The following HP1BP3 variants were observed in gnomAD, a reference collection of about 807,000 sequenced individuals.
HP1BP3 encodes the protein heterochromatin protein 1-binding protein 3.
Under a neutral mutation model 62.5 loss-of-function variants are expected in HP1BP3, and 12 were observed. That is an observed-to-expected ratio of 0.19 (90% CI 0.12 to 0.31). HP1BP3 has a LOEUF of 0.31. HP1BP3 is among the 10% of genes least tolerant of loss of function. The pLI is 1.00. For missense variants in HP1BP3, 502 were observed against 651.8 expected (o/e 0.77, Z 2.50); for synonymous variants, 260 against 237.8 (o/e 1.09, Z -0.86).
chr1:20,745,116 C>T (rs1240674278), intron 12 of HP1BP3, 25 bp from the exon 13 acceptor site: 4 of 1,583,154 alleles, frequency 2.5e-6, no homozygotes, highest in African/African-American at 1.4e-5. Flanking sequence ...GAGCAAAGGC[C>T]GTCATTTAGT....
chr1:20,754,318 A>C (rs576721800), intron 9 of HP1BP3, among the ~76,000 whole-genome samples: 1 of 152,360 alleles, frequency 6.6e-6, no homozygotes, highest in South Asian at 2.1e-4. Flanking sequence ...CAAGACTCGT[A>C]CACCGAACAA....
chr1:20,767,433 G>A, intron 7 of HP1BP3, 151 bp downstream of exon 7: 1 of 689,830 alleles, frequency 1.4e-6, no homozygotes, highest in Non-Finnish European at 2.6e-6. Flanking sequence ...CTACTCACTA[G>A]AGGAACAAAT....
rs1172162315 is a variant in HP1BP3 at position 20,755,373 on chromosome 1, A to C, written c.981+1793T>G. 10 of 453,456 alleles carry C rather than the reference A, an allele frequency of 2.2e-5. No individual in the cohort carries two copies. In the Admixed American group the frequency reaches 2.4e-4, roughly 11 times the overall value. The allele number at this position is 453,456 out of a possible 1,614,324, so 28.1% of individuals were successfully genotyped here. A position where few individuals can be genotyped will look rare whatever the true frequency, so the allele number is the denominator to read the frequency against. ...ACTTCACTGAACCCAGGAGTTCAAG[A>C]GTAGCCTGGGCAACACGGCGAAACC... is the stretch of plus-strand genomic sequence containing the variant. On this transcript the variant is annotated intron_variant, in intron 9 of 12. Coordinates refer to ENST00000438032, the MANE Select transcript of HP1BP3 (RefSeq NM_001372052.1).
At chr1:20,775,940 G>A (rs1257412122) in intron 4 of HP1BP3, 2 of 1,469,390 alleles carry the variant, frequency 1.4e-6, no homozygotes, top group Non-Finnish European at 1.8e-6. Context: ...CATGACTATA[G>A]TTAAAAGCAA....
In HP1BP3 at chr1:20,769,845, C is replaced by A. The variant is rs1165967515; in HGVS notation, c.654+1085G>T. On this transcript the variant is annotated intron_variant, in intron 6 of 12. Transcript: ENST00000438032. ...ACATAGGAGACAAGACGTATCTGTGCAATTAAGTACTAGTTGGAAGTCCCT... is the reference window on the plus strand; with the variant it reads ...ACATAGGAGACAAGACGTATCTGTGAAATTAAGTACTAGTTGGAAGTCCCT... Among the ~76,000 whole-genome samples, 3 of 152,178 alleles carry A rather than the reference C, an allele frequency of 2.0e-5. No individual in the cohort carries two copies. The South Asian group carries it at 6.2e-4, about 32-fold the overall frequency.
intron 9 of HP1BP3, among the ~76,000 whole-genome samples, chr1:20,752,057 C>G (rs927324357): frequency 2.0e-5 from 3 of 151,928 alleles, no homozygotes; most frequent in African/African-American, 7.2e-5. Context: ...GTCAGGAGCT[C>G]AAGACCAGCC....
Position 20,741,075 on chromosome 1 carries a change from TC to T in HP1BP3, c.*3721del, listed in dbSNP as rs1204047632. 6.6e-6 allele frequency among the ~76,000 whole-genome samples: 1 copy of T among 152,208 alleles called. No homozygotes were observed. Among genetic ancestry groups the T allele is most frequent in the Non-Finnish European group, 1.5e-5 (1 of 68,038 alleles). On this transcript the variant is annotated 3_prime_UTR_variant, in exon 13 of 13. Transcript: ENST00000438032. ...CTAGAAAGTAATGTCAACCAGAACC[TC>T]TGGGGAAACAGTTTAATGGTCTTTT...
chr1:20,746,886 C>T (rs558314139), intron 11 of HP1BP3, among the ~76,000 whole-genome samples: 9 of 152,168 alleles, frequency 5.9e-5, no homozygotes, highest in South Asian at 2.1e-4. Context: ...TGTGGTGGCG[C>T]GCACCTGTAG....
At chr1:20,746,948 G>A (rs951591688) in intron 11 of HP1BP3, among the ~76,000 whole-genome samples, 3 of 152,134 alleles carry the variant, frequency 2.0e-5, no homozygotes, top group South Asian at 2.1e-4. Context: ...CCCAGGAGGC[G>A]GAGATTGCAG....
intron 8 of HP1BP3, among the ~76,000 whole-genome samples, chr1:20,761,752 A>T (rs998506557): frequency 1.2e-4 from 19 of 152,224 alleles, no homozygotes; most frequent in Non-Finnish European, 5.9e-5. Flanking sequence ...TATAACCCTG[A>T]GGGCTCCTTT....
At chr1:20,766,118 T>C (rs922795281) in intron 7 of HP1BP3, among the ~76,000 whole-genome samples, 1 of 152,102 alleles carries the variant, frequency 6.6e-6, no homozygotes, top group Admixed American at 6.5e-5. Flanking sequence ...ATGGTAAAAC[T>C]CTGTCTCTAA....
intron 4 of HP1BP3, chr1:20,776,021 A>G: frequency 6.7e-7 from 1 of 1,497,600 alleles, no homozygotes; most frequent in Admixed American, 2.4e-5. Context: ...AAAAAAAAAA[A>G]AAAAAAATTA....
At position 20,740,987 on chromosome 1, in the gene HP1BP3, T is replaced by C. The variant is rs1376896661; in HGVS notation, c.*3810A>G. On this transcript the variant is annotated 3_prime_UTR_variant, in exon 13 of 13. Transcript: ENST00000438032. ...TTCAACAGTTCTGCTTCCTTGGCTT[T>C]GGCTCTGCAGAAGTGAGTGACCATC... 6.6e-6 allele frequency among the ~76,000 whole-genome samples: 1 copy of C among 152,242 alleles called. No individual in the cohort carries two copies. The highest frequency in any genetic ancestry group is 1.5e-5 in the Non-Finnish European group (1 of 68,036).
intron 3 of HP1BP3, among the ~76,000 whole-genome samples, chr1:20,777,098 ATAAG>A (rs1384476372): frequency 6.6e-6 from 1 of 152,162 alleles, no homozygotes; most frequent in African/African-American, 2.4e-5. Context: ...ATCTCAGAGA[ATAAG>A]TAATTTAAAA....
At chr1:20,769,560 A>C (rs751039877) in intron 6 of HP1BP3, among the ~76,000 whole-genome samples, 1 of 152,126 alleles carries the variant, frequency 6.6e-6, no homozygotes, top group African/African-American at 2.4e-5. Flanking sequence ...TGTCTCAAAA[A>C]GTAAAATAAA....
intron 8 of HP1BP3, among the ~76,000 whole-genome samples, chr1:20,758,287 C>G (rs2056245849): frequency 6.6e-6 from 1 of 152,140 alleles, no homozygotes; most frequent in South Asian, 2.1e-4. Flanking sequence ...TACTAGGTAC[C>G]AAGGACTATT....
intron 10 of HP1BP3, among the ~76,000 whole-genome samples, chr1:20,747,867 C>T (rs181217872): frequency 4.3e-3 from 649 of 152,236 alleles, no homozygotes; most frequent in Non-Finnish European, 6.7e-3. Context: ...TACATACATA[C>T]ATATATCTAT....
Position 20,744,857 on chromosome 1 carries a change from T to C in HP1BP3, c.1602A>G (p.Glu534=). 3.1e-6 allele frequency: 5 copies of C among 1,614,020 alleles called. No individual in the cohort carries two copies. Among genetic ancestry groups the C allele is most frequent in the Non-Finnish European group, 4.2e-6 (5 of 1,180,016 alleles). The stretch of plus-strand genomic sequence containing the variant: ...ATTTGCCCTTGCCCGGCAATTTTAC[T>C]TCCTTTCTTGCACTGGTTGCAGGCT... The part of the protein sequence containing the change: ...SKKPATSARK[E]VKLPGKGKST... The change falls in exon 13 of 13, where the codon GAA becomes GAG. Residue 534 remains glutamate (E), a synonymous_variant. Coordinates refer to ENST00000438032, the MANE Select transcript of HP1BP3 (RefSeq NM_001372052.1).
intron 7 of HP1BP3, among the ~76,000 whole-genome samples, chr1:20,765,895 G>A (rs1237627755): frequency 6.6e-6 from 1 of 151,586 alleles, no homozygotes; most frequent in Non-Finnish European, 1.5e-5. Context: ...AACCCGGGAG[G>A]TGGAGATTGC....
Sources: gnomAD v4.1 joint callset for allele counts (sites outside exome capture counted in the v4.1 genomes callset) on GRCh38, gnomAD v4.1.1 for gene constraint, MANE v1.5 for transcripts, NCBI Gene and HGNC (gene_info 2026-07-23, HGNC 2026-07-21) for gene names.